PTPRD: variants seen among roughly 807,000 people sequenced by gnomAD.
The protein encoded by PTPRD is receptor-type tyrosine-protein phosphatase delta.
PTPRD carries 34 observed loss-of-function variants against 214.5 expected under a neutral mutation model. The observed-to-expected ratio is 0.16, with a 90% CI of 0.12 to 0.21. The LOEUF (loss-of-function observed/expected upper bound fraction) is 0.21, where lower values mean the gene tolerates loss of function less well. PTPRD is among the 10% of genes least tolerant of loss of function. The pLI is 1.00. For missense variants in PTPRD, 2,545 were observed against 2,398.7 expected, an observed-to-expected ratio of 1.06 and a Z score of -1.27; for synonymous variants, 1,128 against 845.7, an observed-to-expected ratio of 1.33 and a Z score of -5.79.
chr9:10,398,409 A>G (rs987801259), intron 2 of PTPRD, among the ~76,000 whole-genome samples: 4 of 151,698 alleles, frequency 2.6e-5, no homozygotes, highest in African/African-American at 9.7e-5. Flanking sequence ...CTATATATAT[A>G]TTTGTATAAC....
At chr9:10,192,437 C>T (rs545930193) in intron 3 of PTPRD, among the ~76,000 whole-genome samples, 137 of 115,180 alleles carry the variant, frequency 1.2e-3, no homozygotes, top group African/African-American at 4.6e-3. Flanking sequence ...GGCAAGGTCA[C>T]GATCCAGGAA....
chr9:8,767,772 G>A (rs747058433), intron 11 of PTPRD, among the ~76,000 whole-genome samples: 15 of 152,106 alleles, frequency 9.9e-5, no homozygotes, highest in Admixed American at 2.6e-4. Context: ...GGAGACCCAG[G>A]CATCTGTGTA....
chr9:8,478,330 T>G (rs777794385), intron 30 of PTPRD, among the ~76,000 whole-genome samples: 15 of 152,170 alleles, frequency 9.9e-5, no homozygotes, highest in Middle Eastern at 3.2e-3. Context: ...GAAGCAACAC[T>G]GTAAGCCATG....
chr9:9,402,984 A>C (rs1368961845), intron 8 of PTPRD, among the ~76,000 whole-genome samples: 16 of 147,190 alleles, frequency 1.1e-4, no homozygotes, highest in Non-Finnish European at 1.9e-4. Flanking sequence ...AAAAAAAAAA[A>C]AAAAACACCA....
At chr9:9,386,904 C>A (rs764661756) in intron 9 of PTPRD, among the ~76,000 whole-genome samples, 4 of 152,102 alleles carry the variant, frequency 2.6e-5, no homozygotes, top group Admixed American at 6.6e-5. Context: ...GAGGCATTTT[C>A]CCTTATCTAA....
At chr9:8,431,935 T>C (rs748310713) in intron 35 of PTPRD, among the ~76,000 whole-genome samples, 1 of 152,336 alleles carries the variant, frequency 6.6e-6, no homozygotes, top group African/African-American at 2.4e-5. Flanking sequence ...CTGGTAGAAT[T>C]TGGCTGTGAA....
intron 4 of PTPRD, among the ~76,000 whole-genome samples, chr9:9,980,608 C>CAAAAAAAAAAAAA (rs750547585): frequency 1.8e-4 from 2 of 11,380 alleles, no homozygotes; most frequent in African/African-American, 3.6e-4. Context: ...GACACCTTGT[C>CAAAAAAAAAAAAA]AAAAAAAAAC....
intron 11 of PTPRD, among the ~76,000 whole-genome samples, chr9:8,873,301 C>A (rs2098334099): frequency 6.6e-6 from 1 of 152,192 alleles, no homozygotes; most frequent in African/African-American, 2.4e-5. Flanking sequence ...CATCTCTATC[C>A]TATTGCCCTG....
chr9:9,861,366 C>T (rs1490333139), intron 5 of PTPRD, among the ~76,000 whole-genome samples: 9 of 152,164 alleles, frequency 5.9e-5, no homozygotes, highest in Non-Finnish European at 1.2e-4. Flanking sequence ...TCTCGGCTCA[C>T]TGCAACCTCC....
chr9:9,601,153 G>GA (rs200355226), intron 7 of PTPRD, among the ~76,000 whole-genome samples: 11,289 of 93,986 alleles, frequency 0.12, 1,271 homozygotes, highest in African/African-American at 0.33. Context: ...GTGTGTGTAT[G>GA]GGGGGGGGAG....
chr9:9,688,544 C>G (rs548501804), intron 7 of PTPRD, among the ~76,000 whole-genome samples: 2 of 151,846 alleles, frequency 1.3e-5, no homozygotes, highest in South Asian at 2.1e-4. Context: ...ATACAACAGT[C>G]ATAAATAGTA....
At chr9:9,939,709 C>T (rs1215674696) in intron 4 of PTPRD, among the ~76,000 whole-genome samples, 1 of 152,118 alleles carries the variant, frequency 6.6e-6, no homozygotes, top group Non-Finnish European at 1.5e-5. Context: ...GCAGTGAAAT[C>T]TGTCTTCTGG....
chr9:9,567,698 G>A (rs1044952422), intron 8 of PTPRD, among the ~76,000 whole-genome samples: 21 of 151,888 alleles, frequency 1.4e-4, no homozygotes, highest in African/African-American at 5.1e-4. Context: ...GCTTCTTAAG[G>A]GAACTTGAAT....
intron 5 of PTPRD, among the ~76,000 whole-genome samples, chr9:9,870,168 G>A (rs1029050972): frequency 6.6e-6 from 1 of 151,976 alleles, no homozygotes; most frequent in East Asian, 1.9e-4. Flanking sequence ...TTGAAGATGG[G>A]TGGATGGGTT....
chr9:8,868,360 A>T (rs933589421), intron 11 of PTPRD, among the ~76,000 whole-genome samples: 1 of 152,082 alleles, frequency 6.6e-6, no homozygotes, highest in Non-Finnish European at 1.5e-5. Context: ...CACCACACCT[A>T]ACTAATTTTT....
At chr9:9,585,191 A>G (rs1228226020) in intron 7 of PTPRD, among the ~76,000 whole-genome samples, 4 of 152,018 alleles carry the variant, frequency 2.6e-5, no homozygotes, top group Admixed American at 1.3e-4. Context: ...TTTGAATGTA[A>G]AACTTCCCAG....
intron 7 of PTPRD, among the ~76,000 whole-genome samples, chr9:9,666,328 T>C (rs143987746): frequency 1.3e-5 from 2 of 152,140 alleles, no homozygotes; most frequent in African/African-American, 4.8e-5. Context: ...TATGATATAT[T>C]GTTTATTTTA....
chr9:9,268,428 C>T (rs1941186759), intron 9 of PTPRD, among the ~76,000 whole-genome samples: 1 of 150,834 alleles, frequency 6.6e-6, no homozygotes. Flanking sequence ...ATTGTCAAAA[C>T]ATACTTCTCA....
At chr9:10,367,444 C>G (rs924221340) in intron 2 of PTPRD, among the ~76,000 whole-genome samples, 9 of 152,134 alleles carry the variant, frequency 5.9e-5, no homozygotes, top group African/African-American at 1.9e-4. Flanking sequence ...GAGCCAACCA[C>G]TGCCACTGGG....
Sources: gnomAD v4.1 joint callset for allele counts (sites outside exome capture counted in the v4.1 genomes callset) on GRCh38, gnomAD v4.1.1 for gene constraint, MANE v1.5 for transcripts, NCBI Gene and HGNC (gene_info 2026-07-23, HGNC 2026-07-21) for gene names.